The following SLC14A2 variants were observed in gnomAD, a reference collection of about 807,000 sequenced individuals.
SLC14A2 encodes the protein urea transporter 2.
A neutral mutation model predicts 104.6 loss-of-function variants in SLC14A2; 91 were observed. The ratio of observed to expected loss-of-function variants is 0.87; its 90% CI spans 0.73 to 1.04. The LOEUF is 1.04. Among genes scored for constraint, SLC14A2 ranks in the 50% least tolerant of loss-of-function variants. The pLI is 0.00. For synonymous variants in SLC14A2, 476 were observed against 466.4 expected (o/e 1.02, Z -0.27); for missense variants, 1,189 against 1,156.0 (o/e 1.03, Z -0.41).
chr18:45,459,392 C>T (rs1320882743), intron 1 of SLC14A2, among the ~76,000 whole-genome samples: 1 of 152,206 alleles, frequency 6.6e-6, no homozygotes, highest in East Asian at 1.9e-4. Flanking sequence ...GTGCCCTCAC[C>T]TCCCTATTTC....
chr18:45,683,084 ACT>A lies in SLC14A2; in HGVS notation c.*568_*569del, dbSNP rs1016202570. 4.7e-5 allele frequency: 7 copies of A among 148,754 alleles called. No individual in the cohort carries two copies. The highest frequency in any genetic ancestry group is 7.6e-5 in the African/African-American group (3 of 39,548). The allele number at this position is 148,754 out of a possible 1,614,324, so 9.2% of individuals were successfully genotyped here. On this transcript the variant is annotated 3_prime_UTR_variant, in exon 20 of 20. Coordinates refer to ENST00000255226, the MANE Select transcript of SLC14A2 (RefSeq NM_007163.4). ...ACTCCAGCCTGGGCAACGGAGTGAG[ACT>A]CTGTCTCAAAAAAAAAAAAAAGGGG...
intron 11 of SLC14A2, 117 bp downstream of exon 11, chr18:45,664,024 G>T: frequency 9.1e-7 from 1 of 1,093,138 alleles, no homozygotes; most frequent in Non-Finnish European, 1.3e-6. Context: ...AGTCAGACTT[G>T]ACCTCTCACA....
chr18:45,242,203 T>C (rs1378224826), intron 1 of SLC14A2, among the ~76,000 whole-genome samples: 1 of 152,136 alleles, frequency 6.6e-6, no homozygotes, highest in East Asian at 1.9e-4. Flanking sequence ...CTCTACTCCG[T>C]TTGTAATTTC....
At chr18:45,262,938 C>G (rs896410948) in intron 1 of SLC14A2, among the ~76,000 whole-genome samples, 1 of 152,238 alleles carries the variant, frequency 6.6e-6, no homozygotes, top group Non-Finnish European at 1.5e-5. Context: ...TTCCCATGCA[C>G]ACTTCCTCCA....
At chr18:45,533,126 C>T (rs1157234304) in intron 2 of SLC14A2, among the ~76,000 whole-genome samples, 2 of 152,288 alleles carry the variant, frequency 1.3e-5, no homozygotes, top group East Asian at 3.9e-4. Context: ...ATTTTTGCAT[C>T]AATGTTTATC....
At chr18:45,473,966 G>A (rs900513672) in intron 1 of SLC14A2, among the ~76,000 whole-genome samples, 3 of 152,198 alleles carry the variant, frequency 2.0e-5, no homozygotes, top group Admixed American at 1.3e-4. Flanking sequence ...AGTTTTCAAA[G>A]GAAATGCTTC....
At chr18:45,318,407 G>C (rs1314633453) in intron 1 of SLC14A2, among the ~76,000 whole-genome samples, 1 of 152,220 alleles carries the variant, frequency 6.6e-6, no homozygotes, top group African/African-American at 2.4e-5. Flanking sequence ...AAGGGCCACA[G>C]GCTCAGGGCA....
intron 18 of SLC14A2, among the ~76,000 whole-genome samples, chr18:45,678,250 T>C (rs982098579): frequency 6.6e-6 from 1 of 152,196 alleles, no homozygotes; most frequent in Non-Finnish European, 1.5e-5. Context: ...AGTTTTCTCA[T>C]GTGTGAAATG....
Position 45,599,626 on chromosome 18 carries a change from G to T in SLC14A2, c.-34-25005G>T, listed in dbSNP as rs113325672. Reference sequence around the variant, plus strand: ...ATGACCCAGCCACTCTGCACCTCCGGCAGGGACACGGGTAAAGAGGACACT... The same window carrying T: ...ATGACCCAGCCACTCTGCACCTCCGTCAGGGACACGGGTAAAGAGGACACT... On this transcript the variant is annotated intron_variant, in intron 2 of 20. Transcript: ENST00000586448. Among the ~76,000 whole-genome samples the T allele has an allele frequency of 6.0e-3, 908 of 152,268 alleles. 11 individuals carry two copies. Among genetic ancestry groups the T allele is most frequent in the African/African-American group, 0.019 (787 of 41,540 alleles).
At chr18:45,665,988 G>A in intron 11 of SLC14A2, 149 bp from the exon 12 acceptor site, 6 of 582,156 alleles carry the variant, frequency 1.0e-5, no homozygotes, top group Non-Finnish European at 1.5e-5. Flanking sequence ...GAGCCTTCGA[G>A]CTGCAAGGCC....
intron 1 of SLC14A2, among the ~76,000 whole-genome samples, chr18:45,233,708 T>C (rs999023174): frequency 2.6e-5 from 4 of 152,064 alleles, no homozygotes; most frequent in African/African-American, 9.7e-5. Context: ...GTGGTCTCTA[T>C]GTTTCTGGAT....
At chr18:45,557,244 C>T (rs1469330648) in intron 2 of SLC14A2, among the ~76,000 whole-genome samples, 1 of 152,216 alleles carries the variant, frequency 6.6e-6, no homozygotes. Context: ...TTCATTCTCA[C>T]CCCATCATCT....
rs766939907 is a variant in SLC14A2 at position 45,626,999 on chromosome 18, G to A, written c.373G>A (p.Gly125Arg). ...ALQFIDWVLR[G>R]TAQVMFINNP... is the part of the protein sequence containing the mutation. The stretch of plus-strand genomic sequence containing the variant: ...CCAGTTCATAGACTGGGTCCTGAGA[G>A]GGACCGCTCAGGTGATGTTCATCAA... Residue 125 changes from glycine (G) to arginine (R), a missense_variant, in exon 4 of 20, where the codon GGG (glycine) becomes AGG (arginine). Gly to Arg is a moderately radical substitution (Grantham distance 125, BLOSUM62 -2). Coordinates refer to ENST00000255226, the MANE Select transcript of SLC14A2 (RefSeq NM_007163.4). 2 of 1,612,692 alleles carry A rather than the reference G, an allele frequency of 1.2e-6. No homozygotes were observed. The highest frequency in any genetic ancestry group is 2.2e-5 in the South Asian group (2 of 91,012).
At chr18:45,459,178 C>T (rs2086997678) in intron 1 of SLC14A2, among the ~76,000 whole-genome samples, 2 of 152,136 alleles carry the variant, frequency 1.3e-5, no homozygotes, top group Non-Finnish European at 1.5e-5. Flanking sequence ...GTCATTTGCC[C>T]TTCACCACCG....
intron 1 of SLC14A2, among the ~76,000 whole-genome samples, chr18:45,434,804 G>A (rs570885902): frequency 6.6e-6 from 1 of 152,134 alleles, no homozygotes; most frequent in Non-Finnish European, 1.5e-5. Flanking sequence ...CAAAACGTGG[G>A]GTGAAAAAAT....
chr18:45,573,268 T>C (rs900269569), intron 2 of SLC14A2, among the ~76,000 whole-genome samples: 1 of 152,226 alleles, frequency 6.6e-6, no homozygotes, highest in African/African-American at 2.4e-5. Flanking sequence ...CTTATGGCAC[T>C]GACCCAGGCT....
At chr18:45,593,737 C>T (rs548998192) in intron 2 of SLC14A2, among the ~76,000 whole-genome samples, 1 of 152,098 alleles carries the variant, frequency 6.6e-6, no homozygotes, top group Non-Finnish European at 1.5e-5. Flanking sequence ...GATCCGTCCA[C>T]CTCGGCCTCC....
intron 1 of SLC14A2, among the ~76,000 whole-genome samples, chr18:45,454,602 G>T (rs2086911501): frequency 6.6e-6 from 1 of 152,134 alleles, no homozygotes; most frequent in South Asian, 2.1e-4. Context: ...GAATGGTATT[G>T]CCTAGGTTTT....
chr18:45,381,893 C>G (rs1008795378), intron 1 of SLC14A2, among the ~76,000 whole-genome samples: 1 of 152,042 alleles, frequency 6.6e-6, no homozygotes, highest in Non-Finnish European at 1.5e-5. Context: ...TACATGCAGT[C>G]CAGTGGTAGC....
Sources: gnomAD v4.1 joint callset for allele counts (sites outside exome capture counted in the v4.1 genomes callset) on GRCh38, gnomAD v4.1.1 for gene constraint, MANE v1.5 for transcripts, NCBI Gene and HGNC (gene_info 2026-07-23, HGNC 2026-07-21) for gene names.